Variants in PXDNL observed in about 807,000 individuals in gnomAD.
The protein encoded by PXDNL is probable oxidoreductase PXDNL.
PXDNL carries 145 observed loss-of-function variants against 150.8 expected under a neutral mutation model. That is an observed-to-expected ratio of 0.96 (90% CI 0.84 to 1.10). The LOEUF (loss-of-function observed/expected upper bound fraction) is 1.10, where lower values mean the gene tolerates loss of function less well. Among genes scored for constraint, PXDNL ranks in the 50% least tolerant of loss-of-function variants. The probability of loss-of-function intolerance (pLI) is 0.00; values close to 1 mark genes in which losing one functional copy is unlikely to be tolerated. For missense variants in PXDNL, 2,087 were observed against 1,873.9 expected (o/e 1.11, Z -2.10); for synonymous variants, 757 against 725.7 (o/e 1.04, Z -0.69).
chr8:51,686,806 A>G (rs185965410), intron 1 of PXDNL, among the ~76,000 whole-genome samples: 30 of 152,312 alleles, frequency 2.0e-4, no homozygotes, highest in African/African-American at 7.2e-4. Flanking sequence ...GATATGTATA[A>G]CTTTAAAAAT....
intron 1 of PXDNL, among the ~76,000 whole-genome samples, chr8:51,774,569 A>G (rs2037331525): frequency 6.6e-6 from 1 of 152,224 alleles, no homozygotes. Context: ...CTGTAATCCT[A>G]GCACTTTGGG....
chr8:51,758,954 C>A (rs6473654), intron 1 of PXDNL, among the ~76,000 whole-genome samples: 119,816 of 152,102 alleles, frequency 0.79, 47,353 homozygotes, highest in East Asian at 0.86. Context: ...ACCTATGAAT[C>A]TTGGCAGATT....
At chr8:51,352,259 G>T (rs977372855) in intron 19 of PXDNL, among the ~76,000 whole-genome samples, 1 of 152,140 alleles carries the variant, frequency 6.6e-6, no homozygotes, top group Non-Finnish European at 1.5e-5. Flanking sequence ...AAAAGGAAAA[G>T]AAATCATTAT....
At chr8:51,653,199 C>T (rs1052623818) in intron 2 of PXDNL, among the ~76,000 whole-genome samples, 41 of 152,082 alleles carry the variant, frequency 2.7e-4, no homozygotes, top group African/African-American at 8.0e-4. Flanking sequence ...GCGGATGGAT[C>T]ACAAGGTCAG....
intron 1 of PXDNL, among the ~76,000 whole-genome samples, chr8:51,739,210 GA>G (rs202105023): frequency 2.7e-5 from 4 of 150,566 alleles, no homozygotes; most frequent in African/African-American, 9.7e-5. Flanking sequence ...CATGATTAAA[GA>G]AAAAAAAACT....
At chr8:51,505,138 G>A (rs1811257435) in intron 4 of PXDNL, among the ~76,000 whole-genome samples, 1 of 152,072 alleles carries the variant, frequency 6.6e-6, no homozygotes, top group African/African-American at 2.4e-5. Context: ...ACACATTTTT[G>A]TGAGCACTGA....
intron 3 of PXDNL, among the ~76,000 whole-genome samples, chr8:51,577,993 A>AAG (rs1264548084): frequency 3.9e-5 from 2 of 51,380 alleles, no homozygotes; most frequent in African/African-American, 1.5e-4. Flanking sequence ...GAAAGAAAGA[A>AAG]AGAAAGAGGA....
intron 21 of PXDNL, among the ~76,000 whole-genome samples, chr8:51,333,365 C>T (rs1235478120): frequency 6.6e-6 from 1 of 152,166 alleles, no homozygotes; most frequent in Non-Finnish European, 1.5e-5. Flanking sequence ...CCTGGCAACA[C>T]ATCAAAACAG....
intron 1 of PXDNL, among the ~76,000 whole-genome samples, chr8:51,735,526 GT>G (rs777986365): frequency 6.6e-4 from 27 of 41,090 alleles, no homozygotes; most frequent in African/African-American, 1.4e-3. Flanking sequence ...ATTAAAAATT[GT>G]TTTTTTTTTT....
At chr8:51,598,954 T>A (rs191667110) in intron 2 of PXDNL, among the ~76,000 whole-genome samples, 3 of 152,312 alleles carry the variant, frequency 2.0e-5, no homozygotes, top group Non-Finnish European at 2.9e-5. Context: ...TTTTTCCTGA[T>A]TCAATCTTGG....
chr8:51,730,864 G>A (rs1420662547), intron 1 of PXDNL, among the ~76,000 whole-genome samples: 1 of 152,150 alleles, frequency 6.6e-6, no homozygotes, highest in Non-Finnish European at 1.5e-5. Flanking sequence ...CAGATCTCAT[G>A]AGACTTACTC....
At chr8:51,387,391 C>T (rs145013146) in intron 17 of PXDNL, among the ~76,000 whole-genome samples, 266 of 152,282 alleles carry the variant, frequency 1.7e-3, no homozygotes, top group African/African-American at 6.2e-3. Context: ...ATTTTGTATG[C>T]CAGGTCCCAT....
chr8:51,610,080 A>G (rs1175953108), intron 2 of PXDNL, among the ~76,000 whole-genome samples: 1 of 152,194 alleles, frequency 6.6e-6, no homozygotes, highest in Non-Finnish European at 1.5e-5. Context: ...AATAGGTATA[A>G]TAATTCACAT....
chr8:51,590,231 G>A (rs1813413508), intron 3 of PXDNL, among the ~76,000 whole-genome samples: 1 of 152,086 alleles, frequency 6.6e-6, no homozygotes, highest in South Asian at 2.1e-4. Flanking sequence ...TACAAGAGCT[G>A]TGGGAGTAGG....
intron 14 of PXDNL, among the ~76,000 whole-genome samples, chr8:51,416,593 A>G (rs1373400278): frequency 1.3e-5 from 2 of 152,228 alleles, no homozygotes; most frequent in Non-Finnish European, 2.9e-5. Context: ...CAATGCACAT[A>G]TAAGGTGGCT....
intron 2 of PXDNL, among the ~76,000 whole-genome samples, chr8:51,642,887 A>G (rs1814804961): frequency 6.6e-6 from 1 of 152,196 alleles, no homozygotes. Context: ...AAGCATTCTT[A>G]TACACCAATA....
intron 12 of PXDNL, among the ~76,000 whole-genome samples, chr8:51,432,889 C>T (rs562360523): frequency 1.3e-5 from 2 of 152,294 alleles, no homozygotes; most frequent in Admixed American, 6.5e-5. Flanking sequence ...ACATTGAGTA[C>T]ATGCAATCTT....
At chr8:51,642,007 C>T (rs886078724) in intron 2 of PXDNL, among the ~76,000 whole-genome samples, 26 of 149,006 alleles carry the variant, frequency 1.7e-4, no homozygotes, top group Non-Finnish European at 3.3e-4. Flanking sequence ...ACATATACAC[C>T]ATGGAATACT....
At chr8:51,760,493 C>T (rs887294649) in intron 1 of PXDNL, among the ~76,000 whole-genome samples, 3 of 152,190 alleles carry the variant, frequency 2.0e-5, no homozygotes, top group Admixed American at 6.5e-5. Flanking sequence ...CACTGACTTA[C>T]TCATTTACTC....
Sources: allele counts gnomAD v4.1 joint callset (sites outside exome capture counted in the v4.1 genomes callset), GRCh38; gene constraint gnomAD v4.1.1; transcripts MANE v1.5; gene names NCBI Gene and HGNC (gene_info 2026-07-23, HGNC 2026-07-21).